The following ANKMY1 variants were observed in gnomAD, a reference collection of about 807,000 sequenced individuals.
ANKMY1 encodes ankyrin repeat and MYND domain containing 1, also known as ankyrin repeat and MYND domain-containing protein 1.
A neutral mutation model predicts 102.0 loss-of-function variants in ANKMY1; 98 were observed. That is an observed-to-expected ratio of 0.96 (90% confidence interval 0.82 to 1.14). ANKMY1 has a LOEUF of 1.14. Ranked by LOEUF, ANKMY1 falls within the 50% of genes most tolerant of loss-of-function variation. ANKMY1 has a pLI of 0.00. For synonymous variants in ANKMY1, 582 were observed against 559.9 expected (o/e 1.04, Z -0.56); for missense variants, 1,330 against 1,347.6 (o/e 0.99, Z 0.20).
chr2:240,553,171 T>C lies in ANKMY1; in HGVS notation c.337-114A>G. 3.9e-6 allele frequency: 5 copies of C among 1,280,016 alleles called. No homozygotes were observed. In the East Asian group the frequency reaches 1.3e-4, roughly 32 times the overall value. The allele number at this position is 1,280,016 out of a possible 1,614,324, so 79.3% of individuals were successfully genotyped here. On this transcript the variant is annotated intron_variant, in intron 3 of 17. Transcript: ENST00000401804. ...AATGAATGGGGACCACCCAGGGCTGTGGCAGAACTCAGGGATGCCTGGCAT... is the reference window on the plus strand; with the variant it reads ...AATGAATGGGGACCACCCAGGGCTGCGGCAGAACTCAGGGATGCCTGGCAT...
In ANKMY1 at chr2:240,552,775, C is replaced by A. The variant is rs751691459; in HGVS notation, c.480+139G>T. The A allele has an allele frequency of 1.5e-4, 201 of 1,325,882 alleles. 1 individual carries two copies. The highest frequency in any genetic ancestry group is 2.0e-4 in the Non-Finnish European group (193 of 950,342). 82.1% of individuals were successfully genotyped at this position (1,325,882 alleles called of 1,614,324 possible). On this transcript the variant is annotated intron_variant, in intron 4 of 17. Coordinates refer to ENST00000401804, the MANE Select transcript of ANKMY1 (RefSeq NM_001282771.3). ...TCAGTCTATATCCTTATTATTGGTA[C>A]CATTTTAATCATTAAAAGTAAAAAA...
chr2:240,516,537 ATTG>A (rs1438799484), intron 9 of ANKMY1, among the ~76,000 whole-genome samples: 1 of 152,214 alleles, frequency 6.6e-6, no homozygotes, highest in Non-Finnish European at 1.5e-5. Flanking sequence ...TATCCTAATT[ATTG>A]TTAAGTTGTT....
At chr2:240,531,976 G>A in intron 4 of ANKMY1, 1 of 234,622 alleles carries the variant, frequency 4.3e-6, no homozygotes, top group Non-Finnish European at 9.6e-6. Flanking sequence ...TATAAAAATG[G>A]AAGACACAGA....
intron 13 of ANKMY1, among the ~76,000 whole-genome samples, chr2:240,501,016 G>A (rs1386465673): frequency 6.6e-6 from 1 of 152,212 alleles, no homozygotes; most frequent in African/African-American, 2.4e-5. Flanking sequence ...GTAGATGTGT[G>A]TGGGGCGGGG....
downstream of ANKMY1, among the ~76,000 whole-genome samples, chr2:240,478,688 C>T (rs1235146751): frequency 1.3e-5 from 2 of 151,726 alleles, no homozygotes; most frequent in African/African-American, 4.8e-5. Context: ...CCCAACAAAC[C>T]CCCAGCATGG....
At chr2:240,521,333 C>T (rs1369335936) in intron 8 of ANKMY1, among the ~76,000 whole-genome samples, 2 of 152,080 alleles carry the variant, frequency 1.3e-5, no homozygotes, top group Non-Finnish European at 2.9e-5. Context: ...ACTCGGAAGC[C>T]CAGGGAGCTG....
intron 15 of ANKMY1, among the ~76,000 whole-genome samples, chr2:240,485,749 G>A (rs2075983439): frequency 6.6e-6 from 1 of 151,906 alleles, no homozygotes; most frequent in African/African-American, 2.4e-5. Flanking sequence ...GCCACCACGT[G>A]GGGCTCATTT....
intron 4 of ANKMY1, chr2:240,532,102 T>C (rs2085551214): frequency 2.1e-6 from 1 of 468,822 alleles, no homozygotes. Flanking sequence ...GTTGAGAATT[T>C]TCCAGATCCA....
chr2:240,475,313 A>C (rs2074782281), downstream of ANKMY1, among the ~76,000 whole-genome samples: 1 of 152,140 alleles, frequency 6.6e-6, no homozygotes, highest in Non-Finnish European at 1.5e-5. Context: ...TTAAAGTTGC[A>C]AGATACAATA....
At chr2:240,560,837 C>G, upstream of ANKMY1, 2 of 1,400,324 alleles carry the variant, frequency 1.4e-6, no homozygotes, top group East Asian at 3.0e-5. Context: ...GCGTCAACGT[C>G]TCCCGCCAGC....
intron 4 of ANKMY1, among the ~76,000 whole-genome samples, chr2:240,540,924 G>A (rs2088577469): frequency 1.3e-5 from 2 of 152,204 alleles, no homozygotes; most frequent in Admixed American, 1.3e-4. Context: ...GCCAGCCCCA[G>A]AAGCGTTCCT....
At chr2:240,544,284 A>G (rs1413554374) in intron 4 of ANKMY1, among the ~76,000 whole-genome samples, 1 of 152,262 alleles carries the variant, frequency 6.6e-6, no homozygotes, top group Non-Finnish European at 1.5e-5. Flanking sequence ...AAAATTTAGG[A>G]CAAATCAGAA....
chr2:240,482,326 C>T, intron 15 of ANKMY1, 65 bp from the exon 16 acceptor site: 1 of 1,457,092 alleles, frequency 6.9e-7, no homozygotes, highest in Non-Finnish European at 9.4e-7. Context: ...CTGCAGAAGC[C>T]ACCTCCTTGC....
In ANKMY1 at chr2:240,500,492, A is replaced by T. The variant is rs747411915; in HGVS notation, c.2600T>A (p.Val867Glu). 1 of 1,614,148 alleles carries T rather than the reference A, an allele frequency of 6.2e-7. No individual in the cohort carries two copies. Among genetic ancestry groups the T allele is most frequent in the Non-Finnish European group, 8.5e-7 (1 of 1,180,010 alleles). Reference protein sequence around the residue: ...VMLRQGEKEAVGTAVDYGYFR... With the variant: ...VMLRQGEKEAEGTAVDYGYFR... Reference sequence around the variant, plus strand: ...GTAGCCATAGTCCACGGCTGTGCCCACTGCCTCCTTTTCTCCCTGCCTGAG... The same window carrying T: ...GTAGCCATAGTCCACGGCTGTGCCCTCTGCCTCCTTTTCTCCCTGCCTGAG... Residue 867 changes from valine to glutamate, a missense_variant, in exon 14 of 18, where the codon GTG (valine) becomes GAG (glutamate). Physicochemically the swap from Val to Glu is moderately radical, Grantham distance 121 (BLOSUM62 -2). Transcript: ENST00000401804.
chr2:240,532,402 A>G (rs1233195329), intron 4 of ANKMY1, among the ~76,000 whole-genome samples: 1 of 152,224 alleles, frequency 6.6e-6, no homozygotes, highest in African/African-American at 2.4e-5. Flanking sequence ...TACACATTCA[A>G]ATTCTAAGGG....
chr2:240,554,715 T>C, intron 3 of ANKMY1, 151 bp downstream of exon 3: 3 of 906,192 alleles, frequency 3.3e-6, no homozygotes, highest in Non-Finnish European at 5.0e-6. Context: ...AAGATGCTTT[T>C]CTCTGGACAT....
Position 240,526,319 on chromosome 2 carries a change from G to A in ANKMY1, c.1080C>T (p.Asn360=), listed in dbSNP as rs2083388914. 1.2e-6 allele frequency: 2 copies of A among 1,614,220 alleles called. No individual in the cohort carries two copies. Among genetic ancestry groups the A allele is most frequent in the African/African-American group, 2.7e-5 (2 of 75,056 alleles). Reference sequence around the variant, plus strand: ...TCAGGATCCTACAAATCCATTCGTGGTTCCCTTCCTCAGCCTTTAGGATCA... The same window carrying A: ...TCAGGATCCTACAAATCCATTCGTGATTCCCTTCCTCAGCCTTTAGGATCA... ...MEMILKAEEG[N]HEWICRILKD... is the part of the protein sequence containing the mutation. Residue 360 remains asparagine (N), a synonymous_variant, in exon 6 of 18, where the codon AAC becomes AAT. Coordinates refer to ENST00000401804, the MANE Select transcript of ANKMY1 (RefSeq NM_001282771.3).
chr2:240,475,596 T>G (rs1402432436), downstream of ANKMY1, among the ~76,000 whole-genome samples: 4 of 151,894 alleles, frequency 2.6e-5, no homozygotes, highest in African/African-American at 7.2e-5. Context: ...TTATTGCTAA[T>G]TATTTTATTA....
At chr2:240,510,582 G>A (rs1006377656) in intron 11 of ANKMY1, among the ~76,000 whole-genome samples, 3 of 152,028 alleles carry the variant, frequency 2.0e-5, no homozygotes, top group Admixed American at 6.6e-5. Context: ...CCTCAGATGC[G>A]GCAGACCCTG....
Sources: allele counts gnomAD v4.1 joint callset (sites outside exome capture counted in the v4.1 genomes callset), GRCh38; gene constraint gnomAD v4.1.1; transcripts MANE v1.5; gene names NCBI Gene and HGNC (gene_info 2026-07-23, HGNC 2026-07-21).